Variants in SUCLG2 observed in about 807,000 individuals in gnomAD.
SUCLG2 encodes succinate--CoA ligase [GDP-forming] subunit beta, mitochondrial.
A neutral mutation model predicts 47.9 loss-of-function variants in SUCLG2; 42 were observed. The observed-to-expected ratio is 0.88, with a 90% CI of 0.69 to 1.14. The LOEUF (loss-of-function observed/expected upper bound fraction) is 1.14. Among genes scored for constraint, SUCLG2 ranks in the 50% most tolerant of loss-of-function variants. The pLI is 0.00. For synonymous variants in SUCLG2, 195 were observed against 197.3 expected (o/e 0.99, Z 0.10); for missense variants, 571 against 525.9 (o/e 1.09, Z -0.84).
intron 9 of SUCLG2, among the ~76,000 whole-genome samples, chr3:67,494,461 A>T (rs555775077): frequency 6.6e-6 from 1 of 151,916 alleles, no homozygotes; most frequent in Admixed American, 6.5e-5. Flanking sequence ...ACAGCAAGAC[A>T]AAAAATAAAA....
At chr3:67,467,214 T>C (rs919902854) in intron 9 of SUCLG2, among the ~76,000 whole-genome samples, 5 of 152,234 alleles carry the variant, frequency 3.3e-5, no homozygotes, top group African/African-American at 7.2e-5. Context: ...CACACCTAGA[T>C]ACACAATAAC....
At chr3:67,535,376 C>T (rs1168746507) in intron 2 of SUCLG2, among the ~76,000 whole-genome samples, 1 of 151,860 alleles carries the variant, frequency 6.6e-6, no homozygotes, top group Non-Finnish European at 1.5e-5. Context: ...GAATCAGCAC[C>T]TCCAGATGGA....
intron 2 of SUCLG2, among the ~76,000 whole-genome samples, chr3:67,590,724 A>G (rs1708137307): frequency 6.6e-6 from 1 of 152,208 alleles, no homozygotes; most frequent in Admixed American, 6.5e-5. Flanking sequence ...TTTTCTGTAT[A>G]AATTACCCAG....
chr3:67,470,504 G>T (rs963100198), intron 9 of SUCLG2, among the ~76,000 whole-genome samples: 1 of 152,162 alleles, frequency 6.6e-6, no homozygotes, highest in Non-Finnish European at 1.5e-5. Context: ...AAGTGATTAG[G>T]TCATGAGGGC....
intron 7 of SUCLG2, among the ~76,000 whole-genome samples, chr3:67,508,298 A>AT (rs1705693107): frequency 6.6e-6 from 1 of 152,218 alleles, no homozygotes; most frequent in Non-Finnish European, 1.5e-5. Context: ...ATAAAGGCAT[A>AT]TGCCTTCATT....
chr3:67,623,272 G>A (rs910596789), intron 1 of SUCLG2, among the ~76,000 whole-genome samples: 16 of 152,040 alleles, frequency 1.1e-4, no homozygotes, highest in Non-Finnish European at 2.1e-4. Flanking sequence ...AGGCCAAAGC[G>A]GGTGAATCAC....
At position 67,590,181 on chromosome 3, in the gene SUCLG2, C is replaced by T. The variant is rs552417112; in HGVS notation, c.226+19274G>A. 4.6e-5 allele frequency among the ~76,000 whole-genome samples: 7 copies of T among 152,108 alleles called. No individual in the cohort carries two copies. In the South Asian group the frequency reaches 1.5e-3, roughly 32 times the overall value. On this transcript the variant is annotated intron_variant, in intron 2 of 10. Transcript: ENST00000307227. Reference sequence around the variant, plus strand: ...AGAAATAATTCCTGTCCTGTCAACACCTTATATTATGTGAAGAACAATACA... The same window carrying T: ...AGAAATAATTCCTGTCCTGTCAACATCTTATATTATGTGAAGAACAATACA...
chr3:67,477,959 A>G (rs916648324), intron 9 of SUCLG2, among the ~76,000 whole-genome samples: 5 of 152,226 alleles, frequency 3.3e-5, no homozygotes, highest in African/African-American at 1.2e-4. Context: ...AGCTTTACAA[A>G]TATTAACACA....
At chr3:67,565,584 CCT>C (rs1707433224) in intron 2 of SUCLG2, among the ~76,000 whole-genome samples, 1 of 152,170 alleles carries the variant, frequency 6.6e-6, no homozygotes, top group South Asian at 2.1e-4. Context: ...TGCCACTGCC[CCT>C]GAGAAGCATT....
chr3:67,364,376 C>A (rs2106741170), intron 10 of SUCLG2, among the ~76,000 whole-genome samples: 1 of 152,094 alleles, frequency 6.6e-6, no homozygotes, highest in African/African-American at 2.4e-5. Flanking sequence ...TCCCCCCCAA[C>A]TATTCACTGT....
At chr3:67,454,238 T>C (rs1704126361) in intron 9 of SUCLG2, among the ~76,000 whole-genome samples, 1 of 152,128 alleles carries the variant, frequency 6.6e-6, no homozygotes, top group African/African-American at 2.4e-5. Context: ...CATTTATATA[T>C]CTCCAGGATT....
chr3:67,576,672 C>T (rs1707750928), intron 2 of SUCLG2, among the ~76,000 whole-genome samples: 1 of 152,168 alleles, frequency 6.6e-6, no homozygotes, highest in African/African-American at 2.4e-5. Context: ...CTCGAAGAAA[C>T]TTACTGAGTG....
intron 2 of SUCLG2, among the ~76,000 whole-genome samples, chr3:67,591,487 T>C (rs919481213): frequency 5.3e-5 from 8 of 152,198 alleles, no homozygotes; most frequent in African/African-American, 1.7e-4. Flanking sequence ...GGAGAGGTAA[T>C]TGAATCATGG....
intron 9 of SUCLG2, among the ~76,000 whole-genome samples, chr3:67,434,268 G>A (rs184287848): frequency 1.9e-4 from 29 of 152,298 alleles, no homozygotes; most frequent in African/African-American, 4.8e-4. Context: ...GCTCACGTCC[G>A]TTATCCCAGC....
intron 1 of SUCLG2, among the ~76,000 whole-genome samples, chr3:67,644,094 G>A (rs920272332): frequency 2.6e-5 from 4 of 152,082 alleles, no homozygotes; most frequent in African/African-American, 9.7e-5. Context: ...GTTGGACATG[G>A]GAAACTGAAA....
intron 10 of SUCLG2, among the ~76,000 whole-genome samples, chr3:67,379,627 A>C (rs1488936052): frequency 6.6e-6 from 1 of 152,170 alleles, no homozygotes; most frequent in Non-Finnish European, 1.5e-5. Flanking sequence ...CAGTATTCCC[A>C]AGGGAAAAGA....
rs752654305 is a variant in SUCLG2 at position 67,574,039 on chromosome 3, T to C, written c.226+35416A>G. On this transcript the variant is annotated intron_variant, in intron 2 of 10. Coordinates refer to ENST00000307227, the MANE Select transcript of SUCLG2 (RefSeq NM_003848.4). ...TGTTTCCTTGCTGACAGTTCTCAGC[T>C]ACTGGAGGACACATACATTCCTTGG... is the stretch of plus-strand genomic sequence containing the variant. Among the ~76,000 whole-genome samples the C allele has an allele frequency of 4.5e-4, 68 of 152,232 alleles. 2 individuals are homozygous for C. Among genetic ancestry groups the C allele is most frequent in the Non-Finnish European group, 3.8e-4 (26 of 68,030 alleles).
rs1705228619 is a variant in SUCLG2 at position 67,492,454 on chromosome 3, T to A, written c.1062+3344A>T. On this transcript the variant is annotated intron_variant, in intron 9 of 10. Coordinates refer to ENST00000307227, the MANE Select transcript of SUCLG2 (RefSeq NM_003848.4). ...CAAGGTTAACATTCTATATAGTGCTTTTCTTTTAAATGTCTTTAAATTCTT... is the reference window on the plus strand; with the variant it reads ...CAAGGTTAACATTCTATATAGTGCTATTCTTTTAAATGTCTTTAAATTCTT... Among the ~76,000 whole-genome samples the A allele has an allele frequency of 2.0e-5, 3 of 152,220 alleles. No homozygotes were observed. The South Asian group carries it at 6.2e-4, about 32-fold the overall frequency.
chr3:67,579,079 G>A (rs889509581), intron 2 of SUCLG2, among the ~76,000 whole-genome samples: 1 of 152,056 alleles, frequency 6.6e-6, no homozygotes, highest in Non-Finnish European at 1.5e-5. Flanking sequence ...AGAAAGAAAG[G>A]AATTAGGAAT....
Sources: allele counts gnomAD v4.1 joint callset (sites outside exome capture counted in the v4.1 genomes callset), GRCh38; gene constraint gnomAD v4.1.1; transcripts MANE v1.5; gene names NCBI Gene and HGNC (gene_info 2026-07-23, HGNC 2026-07-21).